Variants in BCL2L13 observed in about 807,000 individuals in gnomAD.
BCL2L13 encodes the protein bcl-2-like protein 13.
BCL2L13 carries 13 observed loss-of-function variants against 25.8 expected under a neutral mutation model. That is an observed-to-expected ratio of 0.50 (90% confidence interval 0.33 to 0.80). The LOEUF (loss-of-function observed/expected upper bound fraction) is 0.80. Ranked by LOEUF, BCL2L13 falls within the 30% of genes least tolerant of loss-of-function variation. The probability of loss-of-function intolerance (pLI) is 0.02; values close to 1 mark genes in which losing one functional copy is unlikely to be tolerated. For missense variants in BCL2L13, 504 were observed against 574.9 expected (o/e 0.88, Z 1.26); for synonymous variants, 244 against 230.3 (o/e 1.06, Z -0.54).
At chr22:17,696,082 A>T in intron 4 of BCL2L13, 59 bp from the exon 5 acceptor site, 1 of 1,269,006 alleles carries the variant, frequency 7.9e-7, no homozygotes, top group South Asian at 1.2e-5. Context: ...ATATGTATTC[A>T]TCTGGAAATA....
intron 2 of BCL2L13, among the ~76,000 whole-genome samples, chr22:17,666,543 A>G (rs1173167946): frequency 2.6e-5 from 4 of 152,064 alleles, no homozygotes; most frequent in Non-Finnish European, 5.9e-5. Context: ...CTCTGTGTCC[A>G]TGAGTTCAGT....
Position 17,655,755 on chromosome 22 carries a change from C to CA in BCL2L13, c.47dup (p.Tyr17ValfsTer44). On this transcript the variant is annotated frameshift_variant, in exon 2 of 7. Transcript: ENST00000317582. LOFTEE classifies it high-confidence loss of function. Reference sequence around the variant, plus strand: ...GTGCCTCTGGGATTTCACTATGAAACAAAGTATGTTGTTCTCAGCTACTTG... The same window carrying CA: ...GTGCCTCTGGGATTTCACTATGAAACAAAAGTATGTTGTTCTCAGCTACTTG... 1.9e-6 allele frequency: 3 copies of CA among 1,613,668 alleles called. No homozygotes were observed. The South Asian group carries it at 3.3e-5, about 18-fold the overall frequency.
chr22:17,715,141 TATATATATATA>T (rs2060885032), intron 6 of BCL2L13, among the ~76,000 whole-genome samples: 1 of 6,938 alleles, frequency 1.4e-4, no homozygotes. Context: ...TATATATATA[TATATATATATA>T]TATATATATA....
At chr22:17,643,856 G>T (rs1396745671) in intron 1 of BCL2L13, among the ~76,000 whole-genome samples, 1 of 151,630 alleles carries the variant, frequency 6.6e-6, no homozygotes, top group Non-Finnish European at 1.5e-5. Context: ...CTTGTGATCC[G>T]CCCTCCTTGG....
intron 2 of BCL2L13, among the ~76,000 whole-genome samples, chr22:17,676,610 C>T (rs994383580): frequency 3.3e-5 from 5 of 152,148 alleles, no homozygotes; most frequent in Admixed American, 6.6e-5. Context: ...AATTTTATTG[C>T]AAGAAATAGC....
intron 2 of BCL2L13, among the ~76,000 whole-genome samples, chr22:17,673,692 T>G (rs2059489884): frequency 6.6e-6 from 1 of 152,150 alleles, no homozygotes. Context: ...TCTTTTACCT[T>G]TTGTCATTTG....
intron 3 of BCL2L13, among the ~76,000 whole-genome samples, chr22:17,686,887 C>G (rs1255072863): frequency 6.6e-6 from 1 of 152,148 alleles, no homozygotes; most frequent in Non-Finnish European, 1.5e-5. Context: ...AGCACTGCTG[C>G]ATAGTAAAAT....
chr22:17,697,460 TTTTA>T (rs1289474326), intron 5 of BCL2L13, among the ~76,000 whole-genome samples: 2 of 152,136 alleles, frequency 1.3e-5, no homozygotes, highest in African/African-American at 4.8e-5. Context: ...AAATTTCAAC[TTTTA>T]TTTTAGATTC....
chr22:17,720,744 C>T, intron 6 of BCL2L13, among the ~76,000 whole-genome samples: 1 of 151,674 alleles, frequency 6.6e-6, no homozygotes, highest in East Asian at 1.9e-4. Flanking sequence ...TGAAGTGATC[C>T]TCTCTCCTTT....
At chr22:17,684,733 T>A in intron 3 of BCL2L13, 1 of 354,138 alleles carries the variant, frequency 2.8e-6, no homozygotes, top group Non-Finnish European at 5.5e-6. Context: ...CTGGCTAATT[T>A]TTTGTATTTT....
chr22:17,644,312 A>G (rs1041193638), intron 1 of BCL2L13, among the ~76,000 whole-genome samples: 4 of 148,738 alleles, frequency 2.7e-5, no homozygotes, highest in African/African-American at 5.0e-5. Context: ...TCAACTCTGT[A>G]TTACTGGAGC....
chr22:17,693,660 G>A (rs555515558), intron 4 of BCL2L13, among the ~76,000 whole-genome samples: 20 of 152,160 alleles, frequency 1.3e-4, no homozygotes, highest in African/African-American at 3.4e-4. Context: ...GATTACAGGC[G>A]TGAGCCACAG....
chr22:17,654,223 A>G lies in BCL2L13; in HGVS notation c.-50-1439A>G, dbSNP rs566381554. Among the ~76,000 whole-genome samples the G allele has an allele frequency of 2.0e-3, 295 of 151,146 alleles. 4 individuals carry two copies. The highest frequency in any genetic ancestry group is 6.6e-3 in the African/African-American group (273 of 41,136). On this transcript the variant is annotated intron_variant, in intron 1 of 6. Transcript: ENST00000317582. ...TGGGCTCAAGCAGTTATCCCATCTC[A>G]GCTTCTGAGTAGCTGGCATTATAGG...
intron 2 of BCL2L13, among the ~76,000 whole-genome samples, chr22:17,657,823 C>CTTTTTTTTTTTTTT (rs71201859): frequency 1.2e-5 from 1 of 85,764 alleles, no homozygotes; most frequent in African/African-American, 4.4e-5. Context: ...GTTGACATTT[C>CTTTTTTTTTTTTTT]TTTTTTTTTT....
At chr22:17,647,101 G>A (rs2058522229) in intron 1 of BCL2L13, among the ~76,000 whole-genome samples, 1 of 150,848 alleles carries the variant, frequency 6.6e-6, no homozygotes, top group African/African-American at 2.4e-5. Flanking sequence ...AGCCTCCCAA[G>A]TAGCTGGGAC....
At chr22:17,650,903 C>G (rs559060928) in intron 1 of BCL2L13, among the ~76,000 whole-genome samples, 1 of 151,958 alleles carries the variant, frequency 6.6e-6, no homozygotes, top group East Asian at 1.9e-4. Context: ...TATCTTGAAC[C>G]CCTGGCCTCA....
At chr22:17,681,972 A>G (rs1464982000) in intron 2 of BCL2L13, among the ~76,000 whole-genome samples, 3 of 152,200 alleles carry the variant, frequency 2.0e-5, no homozygotes, top group Non-Finnish European at 2.9e-5. Context: ...ACATACATAC[A>G]TACGTACGTA....
intron 2 of BCL2L13, among the ~76,000 whole-genome samples, chr22:17,661,903 A>G (rs142089506): frequency 3.8e-4 from 57 of 151,640 alleles, no homozygotes; most frequent in African/African-American, 1.3e-3. Flanking sequence ...AGGCAGGAGA[A>G]TCTCTTGAAC....
chr22:17,638,926 G>A, intron 1 of BCL2L13, 40 bp downstream of exon 1: 1 of 1,228,254 alleles, frequency 8.1e-7, no homozygotes, highest in Non-Finnish European at 1.0e-6. Context: ...AGCTGGGTGA[G>A]GAGGTGGTTT....
Sources: gnomAD v4.1 joint callset for allele counts (sites outside exome capture counted in the v4.1 genomes callset) on GRCh38, gnomAD v4.1.1 for gene constraint, MANE v1.5 for transcripts, NCBI Gene and HGNC (gene_info 2026-07-23, HGNC 2026-07-21) for gene names.